The following ARSB variants were observed in gnomAD, a reference collection of about 807,000 sequenced individuals.
ARSB encodes the protein arylsulfatase B.
A neutral mutation model predicts 50.9 loss-of-function variants in ARSB; 41 were observed. The ratio of observed to expected loss-of-function variants is 0.81; its 90% confidence interval spans 0.63 to 1.04. ARSB has a LOEUF of 1.04. Among genes scored for constraint, ARSB ranks in the 50% least tolerant of loss-of-function variants. The pLI, the probability that ARSB is intolerant of heterozygous loss-of-function variation, is 0.00. For missense variants in ARSB, 672 were observed against 693.3 expected, an observed-to-expected ratio of 0.97 and a Z score of 0.35; for synonymous variants, 269 against 284.8, an observed-to-expected ratio of 0.94 and a Z score of 0.56.
chr5:78,934,795 C>A (rs1358149055), intron 4 of ARSB, among the ~76,000 whole-genome samples: 3 of 150,104 alleles, frequency 2.0e-5, no homozygotes, highest in Non-Finnish European at 4.4e-5. Context: ...GATTCTGTCT[C>A]CAAAATAAAA....
chr5:78,866,078 T>A lies in ARSB; in HGVS notation c.1142+19506A>T, dbSNP rs1011875602. Among the ~76,000 whole-genome samples the A allele has an allele frequency of 3.8e-4, 58 of 152,224 alleles. 2 individuals are homozygous for A. The highest frequency in any genetic ancestry group is 3.5e-3 in the Admixed American group (53 of 15,280). On this transcript the variant is annotated intron_variant, in intron 5 of 7. Coordinates refer to ENST00000264914, the MANE Select transcript of ARSB (RefSeq NM_000046.5). ...AAAGTGGCTTCCACATTTTCAGGTA[T>A]CTTTTCATCAGTGCCCCACTCTACT...
intron 4 of ARSB, among the ~76,000 whole-genome samples, chr5:78,916,904 C>T (rs541740861): frequency 6.6e-6 from 1 of 152,252 alleles, no homozygotes; most frequent in African/African-American, 2.4e-5. Context: ...TAGTGGTGAA[C>T]AAGACAGACA....
At chr5:78,944,213 A>G (rs1409664576) in intron 4 of ARSB, among the ~76,000 whole-genome samples, 1 of 152,076 alleles carries the variant, frequency 6.6e-6, no homozygotes, top group African/African-American at 2.4e-5. Flanking sequence ...CTTCCTTGCC[A>G]TGGGTTCGAA....
intron 6 of ARSB, among the ~76,000 whole-genome samples, chr5:78,807,075 G>A (rs771016561): frequency 4.6e-5 from 7 of 152,220 alleles, no homozygotes; most frequent in South Asian, 2.1e-4. Context: ...AGAGCATTCC[G>A]TGTTGGGGTG....
rs1346992041 is a variant in ARSB at position 78,869,615 on chromosome 5, C to T, written c.1142+15969G>A. On this transcript the variant is annotated intron_variant, in intron 5 of 7. Coordinates refer to ENST00000264914, the MANE Select transcript of ARSB (RefSeq NM_000046.5). ...AAGTAAAGATGTTCTTTGAAACCAGCGAGAACAAAGACACAACATACCAGA... is the reference window on the plus strand; with the variant it reads ...AAGTAAAGATGTTCTTTGAAACCAGTGAGAACAAAGACACAACATACCAGA... Among the ~76,000 whole-genome samples, 29 of 151,990 alleles carry T rather than the reference C, an allele frequency of 1.9e-4. No homozygotes were observed. In the South Asian group the frequency reaches 4.6e-3, roughly 24 times the overall value.
At chr5:78,883,185 T>C (rs957780851) in intron 5 of ARSB, 11 of 152,166 alleles carry the variant, frequency 7.2e-5, no homozygotes, top group African/African-American at 2.4e-4. Context: ...GTTTAGATCA[T>C]GGATAGAGGC....
At chr5:78,792,091 G>C (rs1403817395) in intron 6 of ARSB, among the ~76,000 whole-genome samples, 1 of 152,048 alleles carries the variant, frequency 6.6e-6, no homozygotes, top group Non-Finnish European at 1.5e-5. Flanking sequence ...TGAATTTTCA[G>C]AAAGTTTACA....
At chr5:78,914,110 G>C (rs980360397) in intron 4 of ARSB, among the ~76,000 whole-genome samples, 7 of 151,754 alleles carry the variant, frequency 4.6e-5, no homozygotes, top group African/African-American at 1.5e-4. Flanking sequence ...TTACAGATAT[G>C]TGCCACCACA....
chr5:78,915,576 A>G (rs1749512960), intron 4 of ARSB, among the ~76,000 whole-genome samples: 1 of 152,228 alleles, frequency 6.6e-6, no homozygotes, highest in South Asian at 2.1e-4. Flanking sequence ...GGTATGAATA[A>G]GAAGGTAAAA....
Position 78,939,164 on chromosome 5 carries a change from A to G in ARSB, c.898+16131T>C, listed in dbSNP as rs185605881. The stretch of plus-strand genomic sequence containing the variant: ...GATGTATCCATGCCATGGGGAGAAC[A>G]TGAAAGGCTTTCATTAGCACTGACA... On this transcript the variant is annotated intron_variant, in intron 4 of 7. Coordinates refer to ENST00000264914, the MANE Select transcript of ARSB (RefSeq NM_000046.5). 3.7e-4 allele frequency among the ~76,000 whole-genome samples: 56 copies of G among 152,334 alleles called. 1 individual carries two copies. In the East Asian group the frequency reaches 0.01, roughly 28 times the overall value.
At chr5:78,851,546 G>C (rs1475416730) in intron 5 of ARSB, among the ~76,000 whole-genome samples, 3 of 152,190 alleles carry the variant, frequency 2.0e-5, no homozygotes, top group Admixed American at 6.5e-5. Flanking sequence ...GTTGACTTGG[G>C]GTGGAGAGGT....
chr5:78,894,546 G>A (rs1277871408), intron 4 of ARSB, among the ~76,000 whole-genome samples: 2 of 152,198 alleles, frequency 1.3e-5, no homozygotes, highest in East Asian at 3.9e-4. Context: ...TCTCACTGAT[G>A]TTTGGGTGTT....
At chr5:78,973,103 A>ACGCCATG (rs1752531205) in intron 1 of ARSB, among the ~76,000 whole-genome samples, 1 of 152,224 alleles carries the variant, frequency 6.6e-6, no homozygotes, top group Admixed American at 6.5e-5. Context: ...CTACAGAGCC[A>ACGCCATG]CGCCATGCTG....
chr5:78,985,182 C>G lies in ARSB; in HGVS notation c.67G>C (p.Val23Leu). The G allele has an allele frequency of 7.0e-7, 1 of 1,420,234 alleles. No homozygotes were observed. Among genetic ancestry groups the G allele is most frequent in the Admixed American group, 2.8e-5 (1 of 36,122 alleles). 88.0% of individuals were successfully genotyped at this position (1,420,234 alleles called of 1,614,324 possible). The change falls in exon 1 of 8, where the codon GTC becomes CTC. Residue 23 changes from valine (V) to leucine (L), a missense_variant. Val to Leu is a conservative substitution (Grantham distance 32). Coordinates refer to ENST00000264914, the MANE Select transcript of ARSB (RefSeq NM_000046.5). The stretch of plus-strand genomic sequence containing the variant: ...AACAGCAGCAGCAGCAGCGGGAGGA[C>G]GACGGGGAGGAGCAGCCGCCGAGGT... Reference protein sequence around the residue: ...PGPRRLLLPVVLPLLLLLLLA... With the variant: ...PGPRRLLLPVLLPLLLLLLLA...
intron 6 of ARSB, among the ~76,000 whole-genome samples, chr5:78,822,453 C>T (rs1744267840): frequency 6.6e-6 from 1 of 152,138 alleles, no homozygotes; most frequent in Non-Finnish European, 1.5e-5. Flanking sequence ...CCCAGGAGAC[C>T]TTCAGCCTGA....
At chr5:78,818,598 CTTTTTTTTTTTTTTT>C (rs775162579) in intron 6 of ARSB, among the ~76,000 whole-genome samples, 9 of 74,188 alleles carry the variant, frequency 1.2e-4, no homozygotes, top group African/African-American at 3.8e-4. Flanking sequence ...AAATAAAGCT[CTTTTTTTTTTTTTTT>C]TTTTTTTTTT....
intron 3 of ARSB, among the ~76,000 whole-genome samples, chr5:78,961,706 A>G (rs1751993111): frequency 1.3e-5 from 2 of 152,156 alleles, no homozygotes; most frequent in African/African-American, 4.8e-5. Flanking sequence ...TGGGCAGATT[A>G]CAGTTGTTGC....
upstream of ARSB, chr5:78,985,642 A>G (rs1753155706): frequency 6.4e-6 from 1 of 157,216 alleles, no homozygotes; most frequent in South Asian, 2.0e-4. Context: ...AAAGCCTGCA[A>G]CAACTCTGAC....
At chr5:78,967,094 C>T (rs781726263) in intron 2 of ARSB, among the ~76,000 whole-genome samples, 1 of 152,084 alleles carries the variant, frequency 6.6e-6, no homozygotes, top group Non-Finnish European at 1.5e-5. Flanking sequence ...GTTTTGGCCC[C>T]CATATAATTA....
Sources: gnomAD v4.1 joint callset for allele counts (sites outside exome capture counted in the v4.1 genomes callset) on GRCh38, gnomAD v4.1.1 for gene constraint, MANE v1.5 for transcripts, NCBI Gene and HGNC (gene_info 2026-07-23, HGNC 2026-07-21) for gene names.